Variants in KCNQ1OT1 observed in about 807,000 individuals in gnomAD.
KCNQ1OT1 encodes KCNQ1 opposite strand/antisense transcript 1, also known as KCNQ1 antisense RNA 2 (non-protein coding).
At position 2,674,807 on chromosome 11, in the gene KCNQ1OT1, G is replaced by T. The variant is rs1009841541; in HGVS notation, n.25188C>A. ...TCGCCAACTGCTGGCCTTTGGAAAG[G>T]CTTGTCACCCTAATAGCTGTTTTTT... is the stretch of plus-strand genomic sequence containing the variant. On this transcript the variant is annotated non_coding_transcript_exon_variant, in exon 1 of 1. Coordinates refer to ENST00000597346, the Ensembl canonical transcript of KCNQ1OT1. The surrounding 1 kb of genome is among the most constrained non-coding windows in gnomAD (Gnocchi z 5.9). The T allele has an allele frequency of 7.8e-6, 3 of 386,218 alleles. No individual in the cohort carries two copies. The highest frequency in any genetic ancestry group is 6.9e-5 in the African/African-American group (3 of 43,632). The allele number at this position is 386,218 out of a possible 1,614,324, so 23.9% of individuals were successfully genotyped here.
chr11:2,692,568 A>G (rs1850606172), exon 1 of KCNQ1OT1: 3 of 398,608 alleles, frequency 7.5e-6, no homozygotes, highest in East Asian at 3.6e-5. Flanking sequence ...ACTTTCCCCA[A>G]GGGAGTTTTT....
At chr11:2,667,983 G>T (rs180766026) in exon 1 of KCNQ1OT1, 8 of 398,660 alleles carry the variant, frequency 2.0e-5, no homozygotes, top group African/African-American at 1.2e-4. Context: ...CCCATTTCCT[G>T]TCACTGACCT....
In KCNQ1OT1 at chr11:2,652,433, G is replaced by T. The variant is rs1590007554; in HGVS notation, n.47562C>A. The T allele has an allele frequency of 8.3e-5, 33 of 398,430 alleles. No individual in the cohort carries two copies. The East Asian group carries it at 1.2e-3, about 14-fold the overall frequency. The allele number at this position is 398,430 out of a possible 1,614,324, so 24.7% of individuals were successfully genotyped here. On this transcript the variant is annotated non_coding_transcript_exon_variant, in exon 1 of 1. Transcript: ENST00000597346. This position sits in a 1 kb window ranked among gnomAD's most constrained non-coding sequence, Gnocchi z 5.9. ...GTGTAATTTTGTCTTGAAAATCAAG[G>T]CCACTTTTTTGTTTTCTCCATCCAA... is the stretch of plus-strand genomic sequence containing the variant.
rs368696639 is a variant in KCNQ1OT1, at chr11:2,674,826, GTT to G, written n.25167_25168del. ...GGAAAGGCTTGTCACCCTAATAGCT[GTT>G]TTTTAAAAAAAAAAAAAAAAAAAAA... On this transcript the variant is annotated non_coding_transcript_exon_variant, in exon 1 of 1. Coordinates refer to ENST00000597346, the Ensembl canonical transcript of KCNQ1OT1. This position sits in a 1 kb window ranked among gnomAD's most constrained non-coding sequence, Gnocchi z 5.9. The G allele has an allele frequency of 4.6e-6, 1 of 218,148 alleles. No homozygotes were observed. Among genetic ancestry groups the G allele is most frequent in the African/African-American group, 5.5e-5 (1 of 18,284 alleles). The allele number at this position is 218,148 out of a possible 1,614,324, so 13.5% of individuals were successfully genotyped here. A position where few individuals can be genotyped will look rare whatever the true frequency, so the allele number is the denominator to read the frequency against.
Position 2,663,506 on chromosome 11 carries a change from G to C in KCNQ1OT1, n.36489C>G, listed in dbSNP as rs1190963064. On this transcript the variant is annotated non_coding_transcript_exon_variant, in exon 1 of 1. Coordinates refer to ENST00000597346, the Ensembl canonical transcript of KCNQ1OT1. The surrounding 1 kb of genome is among the most constrained non-coding windows in gnomAD (Gnocchi z 5.2). Reference sequence around the variant, plus strand: ...GTGTGCAATACAGGTGGCAGTGCCTGTATTGCCTCTTGGCTGTCCCCTCAG... The same window carrying C: ...GTGTGCAATACAGGTGGCAGTGCCTCTATTGCCTCTTGGCTGTCCCCTCAG... The C allele has an allele frequency of 5.0e-6, 2 of 398,554 alleles. No individual in the cohort carries two copies. 24.7% of individuals were successfully genotyped at this position (398,554 alleles called of 1,614,324 possible).
At chr11:2,662,050 A>G (rs781540769) in exon 1 of KCNQ1OT1, 3 of 1,614,106 alleles carry the variant, frequency 1.9e-6, no homozygotes, top group South Asian at 2.2e-5. Context: ...GGAAGGGGAG[A>G]CTCTGCTGAC....
chr11:2,696,191 C>T (rs1850673292), exon 1 of KCNQ1OT1: 2 of 398,492 alleles, frequency 5.0e-6, no homozygotes, highest in South Asian at 1.3e-4. Context: ...CCACGGCCAC[C>T]CTGGCCCTGG....
exon 1 of KCNQ1OT1, chr11:2,662,684 A>C: frequency 2.5e-6 from 1 of 403,766 alleles, no homozygotes; most frequent in South Asian, 1.2e-4. Flanking sequence ...TGGGGTGCCC[A>C]GCGGTGACAG....
rs1193650015 is a variant in KCNQ1OT1, at chr11:2,682,897, CAG to C, written n.17096_17097del. On this transcript the variant is annotated non_coding_transcript_exon_variant, in exon 1 of 1. Coordinates refer to ENST00000597346, the Ensembl canonical transcript of KCNQ1OT1. This position sits in a 1 kb window ranked among gnomAD's most constrained non-coding sequence, Gnocchi z 5.8. ...CTTGGGGATAGCAGATGTTCCCAGA[CAG>C]AAAATGGTGGCACCTGGAGAGGTGC... is the stretch of plus-strand genomic sequence containing the variant. 3 of 398,484 alleles carry C rather than the reference CAG, an allele frequency of 7.5e-6. No individual in the cohort carries two copies. The highest frequency in any genetic ancestry group is 1.3e-5 in the Non-Finnish European group (3 of 226,096). The allele number at this position is 398,484 out of a possible 1,614,324, so 24.7% of individuals were successfully genotyped here. A position where few individuals can be genotyped will look rare whatever the true frequency, so the allele number is the denominator to read the frequency against.
In KCNQ1OT1 at chr11:2,669,926, A is replaced by C; in HGVS notation, n.30069T>G. 2.5e-6 allele frequency: 1 copy of C among 398,660 alleles called. No individual in the cohort carries two copies. Among genetic ancestry groups the C allele is most frequent in the South Asian group, 1.3e-4 (1 of 7,854 alleles). 24.7% of individuals were successfully genotyped at this position (398,660 alleles called of 1,614,324 possible). A position where few individuals can be genotyped will look rare whatever the true frequency, so the allele number is the denominator to read the frequency against. Reference sequence around the variant, plus strand: ...AGGCCTGAGAGTCCCAAGCTCCAGGACAGTCTGGAGTCAGGTGGAGGGAAG... The same window carrying C: ...AGGCCTGAGAGTCCCAAGCTCCAGGCCAGTCTGGAGTCAGGTGGAGGGAAG... On this transcript the variant is annotated non_coding_transcript_exon_variant, in exon 1 of 1. Transcript: ENST00000597346. The surrounding 1 kb of genome is among the most constrained non-coding windows in gnomAD (Gnocchi z 5.6).
exon 1 of KCNQ1OT1, chr11:2,618,208 G>A: frequency 2.5e-6 from 1 of 398,484 alleles, no homozygotes; most frequent in Non-Finnish European, 4.4e-6. Context: ...ATGGTGTAAG[G>A]CAGCGATATC....
Position 2,670,065 on chromosome 11 carries a change from G to T in KCNQ1OT1, n.29930C>A. The T allele has an allele frequency of 5.0e-6, 2 of 398,702 alleles. No individual in the cohort carries two copies. The highest frequency in any genetic ancestry group is 8.8e-6 in the Non-Finnish European group (2 of 226,126). The allele number at this position is 398,702 out of a possible 1,614,324, so 24.7% of individuals were successfully genotyped here. A position where few individuals can be genotyped will look rare whatever the true frequency, so the allele number is the denominator to read the frequency against. Reference sequence around the variant, plus strand: ...CTAGCACTCACTATTCTGCTCTGGGGAGGGGGTTGGAGGCAGAATCAGTGG... The same window carrying T: ...CTAGCACTCACTATTCTGCTCTGGGTAGGGGGTTGGAGGCAGAATCAGTGG... On this transcript the variant is annotated non_coding_transcript_exon_variant, in exon 1 of 1. Coordinates refer to ENST00000597346, the Ensembl canonical transcript of KCNQ1OT1. The surrounding 1 kb of genome is among the most constrained non-coding windows in gnomAD (Gnocchi z 4.9).
At chr11:2,614,788 T>C in exon 1 of KCNQ1OT1, 1 of 398,522 alleles carries the variant, frequency 2.5e-6, no homozygotes, top group Non-Finnish European at 4.4e-6. Context: ...TTGTTTTGAT[T>C]ACTGCAGCTT....
exon 1 of KCNQ1OT1, chr11:2,694,958 G>A: frequency 2.5e-6 from 1 of 398,734 alleles, no homozygotes; most frequent in Non-Finnish European, 4.4e-6. Context: ...GGGATACTTG[G>A]CAGATTTAAC....
exon 1 of KCNQ1OT1, chr11:2,685,099 C>G: frequency 2.5e-6 from 1 of 398,592 alleles, no homozygotes; most frequent in Non-Finnish European, 4.4e-6. Flanking sequence ...GGGAAGGGGC[C>G]CTTTTGGCAC....
chr11:2,666,032 T>A, exon 1 of KCNQ1OT1: 1 of 398,656 alleles, frequency 2.5e-6, no homozygotes, highest in Non-Finnish European at 4.4e-6. Context: ...TGCACATGGA[T>A]ACCTGAGATA....
At position 2,653,598 on chromosome 11, in the gene KCNQ1OT1, C is replaced by A; in HGVS notation, n.46397G>T. The A allele has an allele frequency of 2.5e-6, 1 of 398,690 alleles. No individual in the cohort carries two copies. Among genetic ancestry groups the A allele is most frequent in the Admixed American group, 4.4e-5 (1 of 22,730 alleles). 24.7% of individuals were successfully genotyped at this position (398,690 alleles called of 1,614,324 possible). A position where few individuals can be genotyped will look rare whatever the true frequency, so the allele number is the denominator to read the frequency against. ...GTTCTCCCTTTCCCTTGCTCTCTAT[C>A]CATTGGCCCCATGGGATGGCTGTAT... On this transcript the variant is annotated non_coding_transcript_exon_variant, in exon 1 of 1. Coordinates refer to ENST00000597346, the Ensembl canonical transcript of KCNQ1OT1. The surrounding 1 kb of genome is among the most constrained non-coding windows in gnomAD (Gnocchi z 5.3).
At position 2,650,069 on chromosome 11, in the gene KCNQ1OT1, G is replaced by A. The variant is rs778147214; in HGVS notation, n.49926C>T. On this transcript the variant is annotated non_coding_transcript_exon_variant, in exon 1 of 1. Coordinates refer to ENST00000597346, the Ensembl canonical transcript of KCNQ1OT1. ...ATTATTTCTTCTGCTTGACTTAGCC[G>A]GCTTTTGAAGCTTTCAATTGTATTT... 35 of 397,916 alleles carry A rather than the reference G, an allele frequency of 8.8e-5. 1 individual carries two copies. Among genetic ancestry groups the A allele is most frequent in the South Asian group, 6.4e-4 (5 of 7,842 alleles). 24.6% of individuals were successfully genotyped at this position (397,916 alleles called of 1,614,324 possible).
exon 1 of KCNQ1OT1, chr11:2,666,547 T>C (rs1274847043): frequency 5.0e-6 from 2 of 398,540 alleles, no homozygotes; most frequent in Non-Finnish European, 8.8e-6. Context: ...TACTAATGTC[T>C]CCTGAATTCT....
Sources: gnomAD v4.1 joint callset for allele counts on GRCh38, gnomAD v4.1.1 for gene constraint, Gnocchi (gnomAD v3.1) non-coding constraint, MANE v1.5 for transcripts, NCBI Gene and HGNC (gene_info 2026-07-23, HGNC 2026-07-21) for gene names.